Variants in LARGE1 observed in about 807,000 individuals in gnomAD.
The protein encoded by LARGE1 is xylosyl- and glucuronyltransferase LARGE1.
In LARGE1, 43 loss-of-function variants were observed where a neutral mutation model predicts 87.6. The observed-to-expected ratio is 0.49, with a 90% CI of 0.38 to 0.63. The LOEUF is 0.63. LARGE1 is among the 30% of genes least tolerant of loss of function. The pLI is 0.00. For missense variants in LARGE1, 802 were observed against 1,000.2 expected (o/e 0.80, Z 2.67); for synonymous variants, 434 against 394.6 (o/e 1.10, Z -1.18).
chr22:33,279,020 G>A (rs1929917005), intron 13 of LARGE1, among the ~76,000 whole-genome samples: 1 of 152,034 alleles, frequency 6.6e-6, no homozygotes, highest in South Asian at 2.1e-4. Flanking sequence ...GGCCGGCTGG[G>A]TCACCTCTCT....
chr22:33,576,300 GTTCA>G (rs1444414919), intron 5 of LARGE1, among the ~76,000 whole-genome samples: 1 of 152,186 alleles, frequency 6.6e-6, no homozygotes, highest in African/African-American at 2.4e-5. Flanking sequence ...CACCTGCTTC[GTTCA>G]TTCATTCATT....
intron 7 of LARGE1, among the ~76,000 whole-genome samples, chr22:33,397,276 C>A (rs774578042): frequency 6.6e-6 from 1 of 152,058 alleles, no homozygotes; most frequent in East Asian, 1.9e-4. Context: ...CCACTATGCC[C>A]GGCTAATTTT....
chr22:33,798,344 C>G (rs548709303), intron 1 of LARGE1, among the ~76,000 whole-genome samples: 1 of 152,124 alleles, frequency 6.6e-6, no homozygotes, highest in Non-Finnish European at 1.5e-5. Flanking sequence ...ATTAAAGTAC[C>G]TAGCAATGTC....
intron 7 of LARGE1, among the ~76,000 whole-genome samples, chr22:33,412,493 A>C (rs1220322084): frequency 6.6e-6 from 1 of 152,152 alleles, no homozygotes; most frequent in African/African-American, 2.4e-5. Context: ...ACCCCACTGC[A>C]TGGCATTCCC....
At position 33,458,352 on chromosome 22, in the gene LARGE1, C is replaced by T. The variant is rs183119223; in HGVS notation, c.788-26087G>A. ...ATCTCCTGACCTCATGATCCGCCCG[C>T]CTTGGCCTCCCAAAGTGCTGGGATT... On this transcript the variant is annotated intron_variant, in intron 6 of 14. Coordinates refer to ENST00000397394, the MANE Select transcript of LARGE1 (RefSeq NM_133642.5). Among the ~76,000 whole-genome samples, 1,066 of 152,224 alleles carry T rather than the reference C, an allele frequency of 7.0e-3. 10 individuals carry two copies. Among genetic ancestry groups the T allele is most frequent in the Non-Finnish European group, 0.011 (781 of 68,034 alleles).
rs116658398 is a variant in LARGE1 at position 33,397,685 on chromosome 22, G to A, written c.893-13381C>T. ...CGGCATGTGTATGCATTTCTGTTGAGTACATACCTCCAAGTGGAATTTCCA... is the reference window on the plus strand; with the variant it reads ...CGGCATGTGTATGCATTTCTGTTGAATACATACCTCCAAGTGGAATTTCCA... On this transcript the variant is annotated intron_variant, in intron 7 of 14. Transcript: ENST00000397394. Among the ~76,000 whole-genome samples, 613 of 152,278 alleles carry A rather than the reference G, an allele frequency of 4.0e-3. 4 individuals are homozygous for A. The highest frequency in any genetic ancestry group is 0.014 in the African/African-American group (592 of 41,558).
Position 33,740,457 on chromosome 22 carries a change from CCGAGGACCTATT to C in LARGE1, c.106+20902_106+20913del, listed in dbSNP as rs2083836791. On this transcript the variant is annotated intron_variant, in intron 2 of 14. Transcript: ENST00000397394. ...CCATCATCTCATCTCCTGGTTTCCT[CCGAGGACCTATT>C]ATCTTCAGAAAAGGTCATTATCACC... is the stretch of plus-strand genomic sequence containing the variant. Among the ~76,000 whole-genome samples the C allele has an allele frequency of 2.0e-5, 3 of 152,184 alleles. 1 individual carries two copies. The highest frequency in any genetic ancestry group is 1.3e-4 in the Admixed American group (2 of 15,278).
chr22:33,828,566 G>C (rs1046057345), intron 1 of LARGE1, among the ~76,000 whole-genome samples: 2 of 152,208 alleles, frequency 1.3e-5, no homozygotes, highest in African/African-American at 4.8e-5. Context: ...GAAGCCTAGT[G>C]ATGAAGGAGG....
At chr22:33,352,373 A>G (rs1940471915) in intron 9 of LARGE1, among the ~76,000 whole-genome samples, 1 of 152,240 alleles carries the variant, frequency 6.6e-6, no homozygotes, top group African/African-American at 2.4e-5. Flanking sequence ...AAATGGAAAC[A>G]TTGAGTGAAA....
intron 11 of LARGE1, among the ~76,000 whole-genome samples, chr22:33,207,019 C>A (rs552959070): frequency 6.6e-6 from 1 of 152,152 alleles, no homozygotes; most frequent in Non-Finnish European, 1.5e-5. Context: ...CCTTTTGATT[C>A]TCCTTCATTA....
intron 1 of LARGE1, among the ~76,000 whole-genome samples, chr22:33,782,735 C>A (rs888898196): frequency 1.1e-4 from 17 of 151,544 alleles, no homozygotes; most frequent in African/African-American, 4.1e-4. Context: ...CGTGGTGGTG[C>A]GTGCCTGTAA....
chr22:33,294,278 G>A (rs1252243057), intron 12 of LARGE1, among the ~76,000 whole-genome samples: 1 of 152,254 alleles, frequency 6.6e-6, no homozygotes, highest in Non-Finnish European at 1.5e-5. Context: ...CACTGGGGCT[G>A]CTGTCAGAAT....
At chr22:33,120,357 T>C in the LARGE1 span, among the ~76,000 whole-genome samples, 4 of 87,396 alleles carry the variant, frequency 4.6e-5, no homozygotes, top group South Asian at 1.7e-3. Context: ...CTTTTCTTTC[T>C]TTTTCTTTCT....
At chr22:33,271,008 T>C (rs1052156326), downstream of LARGE1, among the ~76,000 whole-genome samples, 1 of 152,202 alleles carries the variant, frequency 6.6e-6, no homozygotes, top group African/African-American at 2.4e-5. Flanking sequence ...TCAATTACTA[T>C]CCCCTAGAGT....
At chr22:33,761,146 C>T (rs2084715414) in intron 2 of LARGE1, among the ~76,000 whole-genome samples, 1 of 151,964 alleles carries the variant, frequency 6.6e-6, no homozygotes. Flanking sequence ...CTGTACCCAC[C>T]ACACTCCCAC....
intron 7 of LARGE1, among the ~76,000 whole-genome samples, chr22:33,399,673 T>C (rs1386209366): frequency 6.6e-6 from 1 of 152,102 alleles, no homozygotes; most frequent in Non-Finnish European, 1.5e-5. Context: ...CTCAGCCTCC[T>C]GAGTAGCTGG....
chr22:33,681,997 C>T (rs756974784), intron 2 of LARGE1, among the ~76,000 whole-genome samples: 21 of 152,098 alleles, frequency 1.4e-4, no homozygotes, highest in Non-Finnish European at 2.8e-4. Flanking sequence ...CATGCAAAGA[C>T]CAAGAATCTG....
intron 2 of LARGE1, chr22:33,743,100 C>T (rs1035223219): frequency 5.9e-5 from 9 of 152,134 alleles, no homozygotes; most frequent in African/African-American, 1.9e-4. Flanking sequence ...ATGTGACACA[C>T]CTGCTCCCAC....
intron 11 of LARGE1, among the ~76,000 whole-genome samples, chr22:33,195,155 T>C (rs1378583290): frequency 6.6e-6 from 1 of 152,184 alleles, no homozygotes; most frequent in Non-Finnish European, 1.5e-5. Context: ...TTGGTTACTT[T>C]TAGTATAGAA....
Sources: gnomAD v4.1 joint callset for allele counts (sites outside exome capture counted in the v4.1 genomes callset) on GRCh38, gnomAD v4.1.1 for gene constraint, MANE v1.5 for transcripts, NCBI Gene and HGNC (gene_info 2026-07-23, HGNC 2026-07-21) for gene names.